Variants in C10orf143 observed in about 807,000 individuals in gnomAD.
C10orf143 encodes uncharacterized protein C10orf143.
intron 1 of C10orf143, chr10:130,105,974 C>T (rs934857472): frequency 3.5e-5 from 14 of 400,940 alleles, no homozygotes; most frequent in South Asian, 2.8e-4. Context: ...GTTCCGGACG[C>T]AAGGCTGCGA....
At chr10:130,088,189 C>A (rs904860667) in intron 1 of C10orf143, among the ~76,000 whole-genome samples, 4 of 152,118 alleles carry the variant, frequency 2.6e-5, no homozygotes, top group Non-Finnish European at 5.9e-5. Flanking sequence ...TCGAGACCAG[C>A]CTGGCCAACA....
intron 1 of C10orf143, chr10:130,106,299 T>G (rs1479437958): frequency 1.9e-6 from 3 of 1,588,682 alleles, no homozygotes; most frequent in East Asian, 2.2e-5. Flanking sequence ...CTTTCTGGAC[T>G]AATTGAAGAA....
At chr10:130,072,064 T>C (rs545547179) in intron 3 of C10orf143, among the ~76,000 whole-genome samples, 4 of 152,262 alleles carry the variant, frequency 2.6e-5, no homozygotes, top group African/African-American at 9.6e-5. Context: ...TCCTCATATA[T>C]GGATAACTAA....
At chr10:130,109,272 T>C (rs988945402) in intron 1 of C10orf143, among the ~76,000 whole-genome samples, 3 of 152,180 alleles carry the variant, frequency 2.0e-5, no homozygotes, top group African/African-American at 7.2e-5. Flanking sequence ...TCATGTCACT[T>C]TTCTGTTTGT....
intron 3 of C10orf143, among the ~76,000 whole-genome samples, chr10:130,074,335 A>C (rs1861080195): frequency 6.6e-6 from 1 of 152,190 alleles, no homozygotes. Flanking sequence ...GTAGAAATGC[A>C]TGGAGCACAA....
In C10orf143 at chr10:130,108,099, C is replaced by G. The variant is rs1460271028; in HGVS notation, c.69+2605G>C. 6 of 1,521,302 alleles carry G rather than the reference C, an allele frequency of 3.9e-6. No homozygotes were observed. In the East Asian group the frequency reaches 1.1e-4, roughly 29 times the overall value. 94.2% of individuals were successfully genotyped at this position (1,521,302 alleles called of 1,614,324 possible). A position where few individuals can be genotyped will look rare whatever the true frequency, so the allele number is the denominator to read the frequency against. ...TCTCTCCCTGCTGAAAATGCAGCAA[C>G]TGGCCCTCGCTTTGTTCCTCCACCT... On this transcript the variant is annotated intron_variant, in intron 1 of 3. Transcript: ENST00000637128.
At chr10:130,059,354 T>C (rs1361164847), downstream of C10orf143, among the ~76,000 whole-genome samples, 1 of 152,076 alleles carries the variant, frequency 6.6e-6, no homozygotes, top group Non-Finnish European at 1.5e-5. Flanking sequence ...AATAATAAAC[T>C]GGGAAAAATA....
intron 3 of C10orf143, among the ~76,000 whole-genome samples, chr10:130,051,154 CTTGCTT>C (rs1564953635): frequency 2.0e-5 from 3 of 152,086 alleles, no homozygotes; most frequent in African/African-American, 7.3e-5. Flanking sequence ...CTTGGTCATA[CTTGCTT>C]TTGCTTTTGT....
rs1394393467 is a variant in C10orf143, at chr10:130,056,131, G to A, written c.298-20161C>T. 2.0e-5 allele frequency among the ~76,000 whole-genome samples: 3 copies of A among 152,130 alleles called. No homozygotes were observed. Among genetic ancestry groups the A allele is most frequent in the Non-Finnish European group, 2.9e-5 (2 of 68,042 alleles). ...AATAAATGAGTAAATGCAATTTAAA[G>A]TAAGTAAATTTAGATGTCAGAAAGG... On this transcript the variant is annotated intron_variant and NMD_transcript_variant, in intron 3 of 5. Coordinates refer to the C10orf143 transcript ENST00000643056. The surrounding 1 kb of genome is among the most constrained non-coding windows in gnomAD (Gnocchi z 4.6).
chr10:130,103,145 A>G (rs1481620804), intron 1 of C10orf143, among the ~76,000 whole-genome samples: 1 of 151,860 alleles, frequency 6.6e-6, no homozygotes, highest in African/African-American at 2.4e-5. Flanking sequence ...CGCCCAGCTA[A>G]TTCTGTATTT....
intron 3 of C10orf143, among the ~76,000 whole-genome samples, chr10:130,047,055 G>A (rs573192207): frequency 2.0e-5 from 3 of 152,348 alleles, no homozygotes; most frequent in African/African-American, 7.2e-5. Context: ...GATGTGTCTC[G>A]CATCCACAGT....
intron 3 of C10orf143, among the ~76,000 whole-genome samples, chr10:130,069,491 A>C (rs1231258295): frequency 1.3e-5 from 2 of 152,148 alleles, no homozygotes; most frequent in Non-Finnish European, 2.9e-5. Flanking sequence ...ATGTGAATGG[A>C]GTTTTGTTCT....
intron 1 of C10orf143, among the ~76,000 whole-genome samples, chr10:130,084,795 A>G (rs1452678537): frequency 6.6e-6 from 1 of 152,192 alleles, no homozygotes; most frequent in African/African-American, 2.4e-5. Context: ...TCTGGACTCC[A>G]TGGGAAGCAG....
Position 130,081,014 on chromosome 10 carries a change from G to A in C10orf143, c.70-1113C>T, listed in dbSNP as rs1265272866. ...ACAGGGGACCTAAGGATATTAAATC[G>A]GTTTAAATACAAATAATCACTAGAA... On this transcript the variant is annotated intron_variant, in intron 1 of 3. Coordinates refer to ENST00000637128, the MANE Select transcript of C10orf143 (RefSeq NM_001355042.2). 5.3e-5 allele frequency among the ~76,000 whole-genome samples: 8 copies of A among 152,026 alleles called. No homozygotes were observed. The South Asian group carries it at 1.0e-3, about 20-fold the overall frequency.
At chr10:130,089,375 G>C (rs1198292905) in intron 1 of C10orf143, among the ~76,000 whole-genome samples, 1 of 152,204 alleles carries the variant, frequency 6.6e-6, no homozygotes, top group Non-Finnish European at 1.5e-5. Flanking sequence ...AACTAGTTTA[G>C]ATGTTTCCAC....
At chr10:130,055,683 C>T (rs577237751) in intron 3 of C10orf143, among the ~76,000 whole-genome samples, 20 of 152,248 alleles carry the variant, frequency 1.3e-4, no homozygotes, top group Non-Finnish European at 1.8e-4. Context: ...CGGTGGCTCA[C>T]GCCTGTAAGC....
intron 1 of C10orf143, among the ~76,000 whole-genome samples, chr10:130,081,468 G>T (rs1005472833): frequency 6.6e-6 from 1 of 152,054 alleles, no homozygotes; most frequent in African/African-American, 2.4e-5. Context: ...ATCAACCAAG[G>T]TTGACCTTAT....
At chr10:130,046,854 A>G (rs991811267) in intron 3 of C10orf143, among the ~76,000 whole-genome samples, 3 of 152,212 alleles carry the variant, frequency 2.0e-5, no homozygotes, top group Admixed American at 6.5e-5. Context: ...CACGTTCCCC[A>G]GGGGGAGCTC....
intron 1 of C10orf143, chr10:130,104,434 G>C (rs1173224818): frequency 2.0e-5 from 3 of 152,224 alleles, no homozygotes; most frequent in Non-Finnish European, 4.4e-5. Context: ...AACTTTGCTG[G>C]TGGTTATGTG....
Sources: allele counts gnomAD v4.1 joint callset (sites outside exome capture counted in the v4.1 genomes callset), GRCh38; gene constraint gnomAD v4.1.1; non-coding constraint Gnocchi (gnomAD v3.1); transcripts MANE v1.5; gene names NCBI Gene and HGNC (gene_info 2026-07-23, HGNC 2026-07-21).